The following ANP32A variants were observed in gnomAD, a reference collection of about 807,000 sequenced individuals.
The protein encoded by ANP32A is acidic nuclear phosphoprotein 32 family member A.
In ANP32A, 1 loss-of-function variant was observed where a neutral mutation model predicts 33.9. The ratio of observed to expected loss-of-function variants is 0.03; its 90% CI spans 0.01 to 0.14. The LOEUF is 0.14. Ranked by LOEUF, ANP32A falls within the 10% of genes least tolerant of loss-of-function variation. The pLI is 1.00. For missense variants in ANP32A, 155 were observed against 306.0 expected, an observed-to-expected ratio of 0.51 and a Z score of 3.68; for synonymous variants, 115 against 120.5, an observed-to-expected ratio of 0.95 and a Z score of 0.30.
chr15:68,798,643 T>C (rs1028965274), intron 1 of ANP32A, among the ~76,000 whole-genome samples: 1 of 152,090 alleles, frequency 6.6e-6, no homozygotes, highest in African/African-American at 2.4e-5. Context: ...GGACTCTCCA[T>C]CCTCCTTGAA....
At chr15:68,819,201 A>T (rs1041780638) in intron 1 of ANP32A, among the ~76,000 whole-genome samples, 1 of 152,088 alleles carries the variant, frequency 6.6e-6, no homozygotes, top group Admixed American at 6.5e-5. Flanking sequence ...TCCCAACTCC[A>T]TGGAGCTCGG....
At chr15:68,814,950 A>C (rs906671195) in intron 1 of ANP32A, among the ~76,000 whole-genome samples, 1 of 152,238 alleles carries the variant, frequency 6.6e-6, no homozygotes, top group African/African-American at 2.4e-5. Context: ...TGACCATTCA[A>C]CTACAAGATA....
At position 68,779,093 on chromosome 15, in the gene ANP32A, C is replaced by T. The variant is rs1194133251; in HGVS notation, c.*988G>A. The T allele has an allele frequency of 6.6e-6, 1 of 151,972 alleles. No individual in the cohort carries two copies. Among genetic ancestry groups the T allele is most frequent in the Non-Finnish European group, 1.5e-5 (1 of 68,010 alleles). The allele number at this position is 151,972 out of a possible 1,614,324, so 9.4% of individuals were successfully genotyped here. On this transcript the variant is annotated 3_prime_UTR_variant, in exon 7 of 7. Transcript: ENST00000465139. Reference sequence around the variant, plus strand: ...GGACACGAAAGCAAACCTGTACATTCACTAGGAATTTGCAGTCATTTCAGA... The same window carrying T: ...GGACACGAAAGCAAACCTGTACATTTACTAGGAATTTGCAGTCATTTCAGA...
chr15:68,795,699 T>C (rs1361438819), intron 1 of ANP32A, among the ~76,000 whole-genome samples: 2 of 152,228 alleles, frequency 1.3e-5, no homozygotes, highest in East Asian at 1.9e-4. Flanking sequence ...CTGCAGGACC[T>C]GAGTTTTGGG....
rs1264413003 is a variant in ANP32A at position 68,779,493 on chromosome 15, C to CCAT, written c.*585_*587dup. 6.6e-6 allele frequency: 1 copy of CCAT among 152,298 alleles called. No homozygotes were observed. The highest frequency in any genetic ancestry group is 2.4e-5 in the African/African-American group (1 of 41,440). 9.4% of individuals were successfully genotyped at this position (152,298 alleles called of 1,614,324 possible). A position where few individuals can be genotyped will look rare whatever the true frequency, so the allele number is the denominator to read the frequency against. On this transcript the variant is annotated 3_prime_UTR_variant, in exon 7 of 7. Coordinates refer to ENST00000465139, the MANE Select transcript of ANP32A (RefSeq NM_006305.4). The stretch of plus-strand genomic sequence containing the variant: ...CCTCTTTGTAGAGCGAAGCCCACCA[C>CCAT]CATCTGTGAAGGGGGAAAAGGGATG...
intron 1 of ANP32A, among the ~76,000 whole-genome samples, chr15:68,815,011 C>A (rs1410740526): frequency 6.6e-6 from 1 of 152,212 alleles, no homozygotes; most frequent in Non-Finnish European, 1.5e-5. Flanking sequence ...TTTCAGCTGG[C>A]TATACAGAAC....
At chr15:68,802,454 G>A (rs1468566397) in intron 1 of ANP32A, among the ~76,000 whole-genome samples, 1 of 152,090 alleles carries the variant, frequency 6.6e-6, no homozygotes, top group Non-Finnish European at 1.5e-5. Flanking sequence ...CAACTACATA[G>A]TGTGTCATCA....
chr15:68,804,443 G>A (rs921797006), intron 1 of ANP32A, among the ~76,000 whole-genome samples: 7 of 152,170 alleles, frequency 4.6e-5, no homozygotes, highest in African/African-American at 1.7e-4. Context: ...TAAATATGGT[G>A]CCTGGCACAT....
intron 1 of ANP32A, among the ~76,000 whole-genome samples, chr15:68,802,242 C>T (rs8182019): frequency 0.48 from 72,443 of 151,992 alleles, 18,324 homozygotes; most frequent in Admixed American, 0.59. Flanking sequence ...ACTCTCCCTC[C>T]TATCTTATCC....
chr15:68,817,885 G>GC (rs1894407469), intron 1 of ANP32A, among the ~76,000 whole-genome samples: 1 of 151,528 alleles, frequency 6.6e-6, no homozygotes, highest in Non-Finnish European at 1.5e-5. Flanking sequence ...CGCTCCCCCC[G>GC]CCCCCCACAG....
chr15:68,814,945 A>G (rs141081240), intron 1 of ANP32A, among the ~76,000 whole-genome samples: 238 of 152,340 alleles, frequency 1.6e-3, no homozygotes, highest in African/African-American at 5.7e-3. Flanking sequence ...AAGAGTGACC[A>G]TTCAACTACA....
At chr15:68,814,183 T>C (rs940334408) in intron 1 of ANP32A, among the ~76,000 whole-genome samples, 1 of 152,142 alleles carries the variant, frequency 6.6e-6, no homozygotes, top group Non-Finnish European at 1.5e-5. Context: ...GGAAGTTTTT[T>C]ATTTCAATGT....
intron 1 of ANP32A, among the ~76,000 whole-genome samples, chr15:68,803,897 G>A (rs1894175616): frequency 6.8e-6 from 1 of 147,144 alleles, no homozygotes; most frequent in Non-Finnish European, 1.5e-5. Flanking sequence ...CGCCTCCCAG[G>A]TTCAAGGGAT....
intron 1 of ANP32A, among the ~76,000 whole-genome samples, chr15:68,816,965 A>C (rs1193063963): frequency 6.6e-6 from 1 of 152,220 alleles, no homozygotes; most frequent in Non-Finnish European, 1.5e-5. Flanking sequence ...TTAGGCAGTA[A>C]GTCAGCCTGG....
intron 3 of ANP32A, among the ~76,000 whole-genome samples, chr15:68,786,466 G>T (rs1893935275): frequency 6.6e-6 from 1 of 151,942 alleles, no homozygotes; most frequent in Non-Finnish European, 1.5e-5. Context: ...CACCATGTTG[G>T]CCAGGCTGGT....
intron 1 of ANP32A, among the ~76,000 whole-genome samples, chr15:68,815,522 G>GCA (rs1894369045): frequency 6.6e-6 from 1 of 152,128 alleles, no homozygotes. Context: ...CAAATTGACT[G>GCA]CAACGTTTAT....
rs968639645 is a variant in ANP32A at position 68,780,681 on chromosome 15, C to A, written c.625-208G>T. On this transcript the variant is annotated intron_variant, in intron 5 of 6. Coordinates refer to ENST00000465139, the MANE Select transcript of ANP32A (RefSeq NM_006305.4). The surrounding 1 kb of genome is among the most constrained non-coding windows in gnomAD (Gnocchi z 4.3). The stretch of plus-strand genomic sequence containing the variant: ...TGGGAAATCTGCAGAAAGCTTTGAA[C>A]TCCTTCTCCAGAAAATGTCCGTATC... The A allele has an allele frequency of 1.2e-5, 9 of 746,812 alleles. No homozygotes were observed. Among genetic ancestry groups the A allele is most frequent in the Non-Finnish European group, 1.8e-5 (9 of 498,148 alleles). 46.3% of individuals were successfully genotyped at this position (746,812 alleles called of 1,614,324 possible).
At chr15:68,799,405 T>C (rs1489539166) in intron 1 of ANP32A, among the ~76,000 whole-genome samples, 1 of 152,184 alleles carries the variant, frequency 6.6e-6, no homozygotes, top group East Asian at 1.9e-4. Context: ...TTACCTACAC[T>C]TGTTGTTTTT....
Position 68,787,473 on chromosome 15 carries a change from G to A in ANP32A, c.267C>T (p.Asn89=). ...TGCCACTTAAATTTAGATGCGTGAG[G>A]TTCGGACACTTTTCTGCCAATACTT... ...GLEVLAEKCP[N]LTHLNLSGNK... is the part of the protein sequence containing the mutation. The change falls in exon 3 of 7, where the codon AAC becomes AAT. Residue 89 remains asparagine, a synonymous_variant. Transcript: ENST00000465139. The A allele has an allele frequency of 6.2e-7, 1 of 1,614,196 alleles. No individual in the cohort carries two copies. Among genetic ancestry groups the A allele is most frequent in the Non-Finnish European group, 8.5e-7 (1 of 1,180,030 alleles).
Sources: allele counts gnomAD v4.1 joint callset (sites outside exome capture counted in the v4.1 genomes callset), GRCh38; gene constraint gnomAD v4.1.1; non-coding constraint Gnocchi (gnomAD v3.1); transcripts MANE v1.5; gene names NCBI Gene and HGNC (gene_info 2026-07-23, HGNC 2026-07-21).